PDCD6: variants seen among roughly 807,000 people sequenced by gnomAD.
PDCD6 encodes programmed cell death protein 6.
In PDCD6, 12 loss-of-function variants were observed where a neutral mutation model predicts 28.3. The observed-to-expected ratio is 0.42, with a 90% CI of 0.27 to 0.69. The LOEUF (loss-of-function observed/expected upper bound fraction) is 0.69, where lower values mean the gene tolerates loss of function less well. Among genes scored for constraint, PDCD6 ranks in the 30% least tolerant of loss-of-function variants. The pLI is 0.22. For synonymous variants in PDCD6, 92 were observed against 108.0 expected, an observed-to-expected ratio of 0.85 and a Z score of 0.92; for missense variants, 226 against 269.9, an observed-to-expected ratio of 0.84 and a Z score of 1.14.
At chr5:312,850 A>G (rs1741009876) in intron 5 of PDCD6, among the ~76,000 whole-genome samples, 1 of 145,024 alleles carries the variant, frequency 6.9e-6, no homozygotes, top group African/African-American at 2.8e-5. Flanking sequence ...TGCCGTGTAA[A>G]ATCTCGTTCT....
rs375697789 is a variant in PDCD6, at chr5:314,545, A to G, written c.*30A>G. 1 of 1,489,904 alleles carries G rather than the reference A, an allele frequency of 6.7e-7. No homozygotes were observed. Among genetic ancestry groups the G allele is most frequent in the East Asian group, 2.3e-5 (1 of 44,308 alleles). 92.3% of individuals were successfully genotyped at this position (1,489,904 alleles called of 1,614,324 possible). ...GGCCTCTCGTGAAGAGCAGCACAAC[A>G]TGGAAAGAGCCAAAATGTCACAGTT... On this transcript the variant is annotated 3_prime_UTR_variant, in exon 6 of 6. Transcript: ENST00000264933.
rs577946900 is a variant in PDCD6, at chr5:286,995, G to A, written c.163+14223G>A. ...TTCTAGTTTGTGGGTCGTGGAGCTGGAGACCCAGGGAGGAGCTGGTGTGTT... is the reference window on the plus strand; with the variant it reads ...TTCTAGTTTGTGGGTCGTGGAGCTGAAGACCCAGGGAGGAGCTGGTGTGTT... On this transcript the variant is annotated intron_variant, in intron 2 of 5. Coordinates refer to ENST00000264933, the MANE Select transcript of PDCD6 (RefSeq NM_013232.4). Among the ~76,000 whole-genome samples, 13 of 152,110 alleles carry A rather than the reference G, an allele frequency of 8.5e-5. No individual in the cohort carries two copies. The South Asian group carries it at 2.5e-3, about 29-fold the overall frequency.
chr5:288,344 G>A (rs1406529172), intron 2 of PDCD6, among the ~76,000 whole-genome samples: 4 of 146,794 alleles, frequency 2.7e-5, no homozygotes, highest in Admixed American at 2.7e-4. Flanking sequence ...AAGTTCCATT[G>A]TACGTAGCCG....
At chr5:314,279 C>T (rs1039680925) in intron 5 of PDCD6, 138 bp from the exon 6 acceptor site, 29 of 625,648 alleles carry the variant, frequency 4.6e-5, no homozygotes, top group South Asian at 1.5e-4. Flanking sequence ...GCCCCACCTG[C>T]GCCTCCCTGT....
chr5:310,796 T>G (rs1211920732), intron 4 of PDCD6: 1 of 161,446 alleles, frequency 6.2e-6, no homozygotes, highest in Admixed American at 6.5e-5. Context: ...TGTCACTTTG[T>G]ATAACTGGAA....
intron 4 of PDCD6, chr5:310,888 C>T (rs1467084339): frequency 2.8e-5 from 5 of 178,618 alleles, no homozygotes; most frequent in Non-Finnish European, 2.3e-5. Context: ...ATTTTCTTAT[C>T]TAGGCTAATA....
chr5:299,805 T>C (rs1011084989), intron 2 of PDCD6, among the ~76,000 whole-genome samples: 3 of 152,200 alleles, frequency 2.0e-5, no homozygotes, highest in Non-Finnish European at 4.4e-5. Context: ...CGCCTTGGCC[T>C]CCCAAAGTGC....
chr5:279,206 T>C (rs1407461262), intron 2 of PDCD6, among the ~76,000 whole-genome samples: 1 of 94,020 alleles, frequency 1.1e-5, no homozygotes, highest in Non-Finnish European at 1.9e-5. Context: ...CATTCCCCCC[T>C]AAGAGTATGA....
At chr5:309,491 G>A (rs1252670551) in intron 4 of PDCD6, 1 of 206,234 alleles carries the variant, frequency 4.8e-6, no homozygotes, top group African/African-American at 2.4e-5. Context: ...TGTCTGTGCA[G>A]ACTGGAGTTC....
intron 2 of PDCD6, among the ~76,000 whole-genome samples, chr5:300,638 C>T (rs533393322): frequency 2.0e-5 from 3 of 152,322 alleles, no homozygotes; most frequent in East Asian, 1.9e-4. Flanking sequence ...GTAACCGAGG[C>T]GTGAAATGCC....
At chr5:273,025 T>G (rs2126674621) in intron 2 of PDCD6, 1 of 546,122 alleles carries the variant, frequency 1.8e-6, no homozygotes, top group Middle Eastern at 3.9e-4. Flanking sequence ...AAATGAAAAC[T>G]AGATTGTAGG....
At chr5:298,577 G>A (rs2126738342) in intron 2 of PDCD6, among the ~76,000 whole-genome samples, 1 of 150,702 alleles carries the variant, frequency 6.6e-6, no homozygotes, top group East Asian at 2.0e-4. Flanking sequence ...CTGCTCTCAG[G>A]CCCTCAAGGG....
chr5:299,357 C>G (rs1739874285), intron 2 of PDCD6, among the ~76,000 whole-genome samples: 1 of 147,650 alleles, frequency 6.8e-6, no homozygotes, highest in Non-Finnish European at 1.5e-5. Context: ...GCACTCAAAC[C>G]CCGTCACCTC....
At chr5:303,209 G>A (rs971880709) in intron 2 of PDCD6, among the ~76,000 whole-genome samples, 4 of 151,558 alleles carry the variant, frequency 2.6e-5, no homozygotes, top group Admixed American at 6.6e-5. Context: ...AGACCCCACC[G>A]CCCGTGCTCC....
At chr5:276,962 G>A (rs186729647) in intron 2 of PDCD6, 73 of 983,610 alleles carry the variant, frequency 7.4e-5, no homozygotes, top group Non-Finnish European at 8.1e-5. Context: ...ATCCCTTTTC[G>A]GGTGTTTGGG....
intron 2 of PDCD6, among the ~76,000 whole-genome samples, chr5:296,975 C>CA (rs1428472002): frequency 5.3e-5 from 8 of 152,210 alleles, no homozygotes. Context: ...CCCGACCCCC[C>CA]ACGCACACCG....
In PDCD6 at chr5:271,811, GT is replaced by G; in HGVS notation, c.95del (p.Phe32SerfsTer11). 1 of 1,447,212 alleles carries G rather than the reference GT, an allele frequency of 6.9e-7. No homozygotes were observed. Among genetic ancestry groups the G allele is most frequent in the Non-Finnish European group, 9.1e-7 (1 of 1,103,634 alleles). The allele number at this position is 1,447,212 out of a possible 1,614,324, so 89.6% of individuals were successfully genotyped here. On this transcript the variant is annotated frameshift_variant, in exon 1 of 6. Transcript: ENST00000264933. ...ALPDQSFLWN[V>X]FQRVDKDRSG... is the part of the protein sequence containing the mutation. ...GCCGGACCAGAGCTTCCTGTGGAACGTTTTCCAGAGGTGCGGCCTGGCACCG... is the reference window on the plus strand; with the variant it reads ...GCCGGACCAGAGCTTCCTGTGGAACGTTTCCAGAGGTGCGGCCTGGCACCG...
chr5:300,603 T>C (rs1471870464), intron 2 of PDCD6, among the ~76,000 whole-genome samples: 1 of 152,228 alleles, frequency 6.6e-6, no homozygotes, highest in Non-Finnish European at 1.5e-5. Flanking sequence ...TTCAGGCGGT[T>C]GCCCAGGTAT....
chr5:294,249 A>G (rs1378602838), intron 2 of PDCD6, among the ~76,000 whole-genome samples: 1 of 145,758 alleles, frequency 6.9e-6, no homozygotes, highest in African/African-American at 2.8e-5. Context: ...AAAAATCTAA[A>G]GAGAATGAAA....
Sources: gnomAD v4.1 joint callset for allele counts (sites outside exome capture counted in the v4.1 genomes callset) on GRCh38, gnomAD v4.1.1 for gene constraint, MANE v1.5 for transcripts, NCBI Gene and HGNC (gene_info 2026-07-23, HGNC 2026-07-21) for gene names.